KIAA1217: variants seen among roughly 807,000 people sequenced by gnomAD.
The protein encoded by KIAA1217 is KIAA1217.
In KIAA1217, 88 loss-of-function variants were observed where a neutral mutation model predicts 163.9. That is an observed-to-expected ratio of 0.54 (90% CI 0.45 to 0.64). KIAA1217 has a LOEUF of 0.64. Ranked by LOEUF, KIAA1217 falls within the 30% of genes least tolerant of loss-of-function variation. The probability of loss-of-function intolerance (pLI) is 0.00; values close to 1 mark genes in which losing one functional copy is unlikely to be tolerated. For synonymous variants in KIAA1217, 903 were observed against 923.1 expected, an observed-to-expected ratio of 0.98 and a Z score of 0.39; for missense variants, 2,372 against 2,475.0, an observed-to-expected ratio of 0.96 and a Z score of 0.88.
At chr10:24,075,855 C>T (rs892784385) in intron 2 of KIAA1217, among the ~76,000 whole-genome samples, 1 of 152,146 alleles carries the variant, frequency 6.6e-6, no homozygotes, top group Non-Finnish European at 1.5e-5. Flanking sequence ...CCACCTGCCT[C>T]GGCCTCCCAA....
chr10:23,818,721 C>T (rs1425630725), intron 1 of KIAA1217, among the ~76,000 whole-genome samples: 4 of 152,036 alleles, frequency 2.6e-5, no homozygotes, highest in African/African-American at 9.7e-5. Context: ...GTTGCCTTGG[C>T]AATAATTTGT....
rs141387967 is a variant in KIAA1217 at position 24,307,825 on chromosome 10, C to T, written c.355-73044C>T. ...GAAAAGAAAAAAGAATGGTGTTCATCTCCACCCAGCATGCTAGAGCAGGCA... is the reference window on the plus strand; with the variant it reads ...GAAAAGAAAAAAGAATGGTGTTCATTTCCACCCAGCATGCTAGAGCAGGCA... On this transcript the variant is annotated intron_variant, in intron 2 of 20. Transcript: ENST00000376454. Among the ~76,000 whole-genome samples, 30 of 152,204 alleles carry T rather than the reference C, an allele frequency of 2.0e-4. 1 individual carries two copies. Among genetic ancestry groups the T allele is most frequent in the African/African-American group, 7.0e-4 (29 of 41,534 alleles).
chr10:24,202,090 G>A (rs2067293385), intron 2 of KIAA1217, among the ~76,000 whole-genome samples: 1 of 152,190 alleles, frequency 6.6e-6, no homozygotes, highest in South Asian at 2.1e-4. Context: ...GGGGTGACAT[G>A]GAAAGGTGAA....
In KIAA1217 at chr10:24,436,634, T is replaced by A. The variant is rs557682126; in HGVS notation, c.753-1752T>A. On this transcript the variant is annotated intron_variant, in intron 4 of 20. Coordinates refer to ENST00000376454, the MANE Select transcript of KIAA1217 (RefSeq NM_019590.5). The stretch of plus-strand genomic sequence containing the variant: ...TTAGCCGGGCGTGGTGGCGGGCACC[T>A]GTAGTCCCAGCTGCTGGGGAGGCTA... Among the ~76,000 whole-genome samples, 20 of 151,666 alleles carry A rather than the reference T, an allele frequency of 1.3e-4. No individual in the cohort carries two copies. In the East Asian group the frequency reaches 3.9e-3, roughly 30 times the overall value.
intron 2 of KIAA1217, among the ~76,000 whole-genome samples, chr10:24,029,174 C>A (rs1848090899): frequency 6.6e-6 from 1 of 152,024 alleles, no homozygotes; most frequent in Non-Finnish European, 1.5e-5. Flanking sequence ...AATAATCCTA[C>A]CTTAGATTAG....
intron 2 of KIAA1217, chr10:24,042,170 G>A (rs1393978263): frequency 1.3e-5 from 2 of 152,044 alleles, no homozygotes; most frequent in Non-Finnish European, 2.9e-5. Context: ...TACTGTAACT[G>A]TGTCCGTTGA....
chr10:23,704,134 ATGTGTGTGTGTATGTGTGTGTGTGTGTG>A (rs1836686442), intron 1 of KIAA1217, among the ~76,000 whole-genome samples: 1 of 92,982 alleles, frequency 1.1e-5, no homozygotes, highest in African/African-American at 5.2e-5. Flanking sequence ...ATATGCATGT[ATGTGTGTGTGTATGTGTGTGTGTGTGTG>A]TGTGTGTGTG....
intron 1 of KIAA1217, among the ~76,000 whole-genome samples, chr10:23,823,204 A>G (rs1837707574): frequency 6.6e-6 from 1 of 152,188 alleles, no homozygotes; most frequent in Admixed American, 6.5e-5. Context: ...GGGGAGATCC[A>G]CTTCTAAGCA....
chr10:23,875,434 G>A (rs1840643036), intron 1 of KIAA1217, among the ~76,000 whole-genome samples: 2 of 151,884 alleles, frequency 1.3e-5, no homozygotes, highest in Non-Finnish European at 2.9e-5. Flanking sequence ...AAGAGTGGTT[G>A]GCCTCTATTT....
At chr10:23,881,901 T>C (rs1246933893) in intron 1 of KIAA1217, among the ~76,000 whole-genome samples, 2 of 151,916 alleles carry the variant, frequency 1.3e-5, no homozygotes, top group Non-Finnish European at 2.9e-5. Flanking sequence ...TCCTGGCTTA[T>C]GTTCTGATGT....
intron 3 of KIAA1217, among the ~76,000 whole-genome samples, chr10:24,416,446 T>C (rs1239514940): frequency 6.6e-6 from 1 of 152,224 alleles, no homozygotes; most frequent in Admixed American, 6.5e-5. Context: ...GCTTTGATGC[T>C]GACGCTTGGG....
At position 24,269,272 on chromosome 10, in the gene KIAA1217, C is replaced by T. The variant is rs183227655; in HGVS notation, c.354+49363C>T. On this transcript the variant is annotated intron_variant, in intron 2 of 20. Coordinates refer to ENST00000376454, the MANE Select transcript of KIAA1217 (RefSeq NM_019590.5). ...GCGCAGTGGTTCACACTTGTAATCT[C>T]AACAGTTTGGGAGACCGAGGTGAGA... Among the ~76,000 whole-genome samples, 649 of 147,124 alleles carry T rather than the reference C, an allele frequency of 4.4e-3. 6 individuals are homozygous for T. Among genetic ancestry groups the T allele is most frequent in the African/African-American group, 0.016 (620 of 39,874 alleles).
upstream of KIAA1217, among the ~76,000 whole-genome samples, chr10:24,208,372 T>TGG (rs369126825): frequency 2.6e-4 from 12 of 45,800 alleles, no homozygotes; most frequent in East Asian, 2.4e-3. Context: ...GATTAAGGGC[T>TGG]GGGTGTGTGT....
Position 24,218,479 on chromosome 10 carries a change from C to T in KIAA1217, c.71-1147C>T, listed in dbSNP as rs535563695. On this transcript the variant is annotated intron_variant, in intron 1 of 20. Transcript: ENST00000376454. ...TCTAAGCCTTTACTTTATAACTCCT[C>T]GATTGTTACTTTTTTTTTTTTTCTT... Among the ~76,000 whole-genome samples, 25 of 149,344 alleles carry T rather than the reference C, an allele frequency of 1.7e-4. 1 individual carries two copies. Among genetic ancestry groups the T allele is most frequent in the Non-Finnish European group, 2.5e-4 (17 of 67,108 alleles).
At chr10:24,031,618 A>C (rs1407640057) in intron 2 of KIAA1217, among the ~76,000 whole-genome samples, 1 of 152,062 alleles carries the variant, frequency 6.6e-6, no homozygotes, top group Non-Finnish European at 1.5e-5. Flanking sequence ...TCTTTTTATG[A>C]GCTTATTGGC....
At chr10:24,436,558 A>T (rs1185841587) in intron 4 of KIAA1217, among the ~76,000 whole-genome samples, 2 of 151,852 alleles carry the variant, frequency 1.3e-5, no homozygotes, top group South Asian at 4.2e-4. Context: ...GGAGATCGAG[A>T]CCATCCTGGT....
At chr10:24,282,979 G>T (rs566718565) in intron 2 of KIAA1217, among the ~76,000 whole-genome samples, 2 of 151,648 alleles carry the variant, frequency 1.3e-5, no homozygotes, top group Admixed American at 6.6e-5. Flanking sequence ...GATTACAGAC[G>T]TGTTCCATGA....
intron 1 of KIAA1217, among the ~76,000 whole-genome samples, chr10:23,852,490 C>T (rs565295883): frequency 3.0e-4 from 45 of 152,208 alleles, no homozygotes; most frequent in Admixed American, 1.2e-3. Flanking sequence ...ATTGACTTGG[C>T]GATGCGGGCT....
intron 5 of KIAA1217, among the ~76,000 whole-genome samples, chr10:24,464,488 G>T (rs2062742717): frequency 6.6e-6 from 1 of 152,070 alleles, no homozygotes; most frequent in African/African-American, 2.4e-5. Flanking sequence ...TTTACCCTTT[G>T]TTGCTTTTTT....
Sources: allele counts gnomAD v4.1 joint callset (sites outside exome capture counted in the v4.1 genomes callset), GRCh38; gene constraint gnomAD v4.1.1; transcripts MANE v1.5; gene names NCBI Gene and HGNC (gene_info 2026-07-23, HGNC 2026-07-21).